The following POLR3E variants were observed in gnomAD, a reference collection of about 807,000 sequenced individuals.
POLR3E encodes the protein DNA-directed RNA polymerase III subunit RPC5.
In POLR3E, 41 loss-of-function variants were observed where a neutral mutation model predicts 96.6. The ratio of observed to expected loss-of-function variants is 0.42; its 90% CI spans 0.33 to 0.55. The LOEUF (loss-of-function observed/expected upper bound fraction) is 0.55. Ranked by LOEUF, POLR3E falls within the 20% of genes least tolerant of loss-of-function variation. The pLI, the probability that POLR3E is intolerant of heterozygous loss-of-function variation, is 0.06. For missense variants in POLR3E, 849 were observed against 952.1 expected, an observed-to-expected ratio of 0.89 and a Z score of 1.43; for synonymous variants, 396 against 383.6, an observed-to-expected ratio of 1.03 and a Z score of -0.38.
intron 13 of POLR3E, among the ~76,000 whole-genome samples, chr16:22,321,999 G>C (rs764118303): frequency 1.3e-5 from 2 of 152,216 alleles, no homozygotes; most frequent in Non-Finnish European, 2.9e-5. Flanking sequence ...GATGGCGGCT[G>C]TTACATTTGA....
At chr16:22,330,119 C>T (rs1271658559) in intron 19 of POLR3E, among the ~76,000 whole-genome samples, 1 of 151,366 alleles carries the variant, frequency 6.6e-6, no homozygotes, top group Non-Finnish European at 1.5e-5. Flanking sequence ...GTCATCTAGG[C>T]CTGGAGTGCA....
intron 13 of POLR3E, among the ~76,000 whole-genome samples, chr16:22,321,374 T>C (rs1475626834): frequency 3.3e-5 from 5 of 152,236 alleles, no homozygotes; most frequent in Non-Finnish European, 5.9e-5. Context: ...AAGCTCCTCA[T>C]AGTTGTAGAG....
intron 1 of POLR3E, among the ~76,000 whole-genome samples, chr16:22,299,559 G>A (rs983892100): frequency 6.6e-6 from 1 of 151,708 alleles, no homozygotes; most frequent in African/African-American, 2.4e-5. Context: ...GATTACAGGC[G>A]TGCATCACCA....
Position 22,324,584 on chromosome 16 carries a change from TATG to T in POLR3E, c.1214_1216del (p.Asp405del), listed in dbSNP as rs2048539211. The T allele has an allele frequency of 1.9e-6, 3 of 1,613,426 alleles. No individual in the cohort carries two copies. Among genetic ancestry groups the T allele is most frequent in the Non-Finnish European group, 2.5e-6 (3 of 1,179,808 alleles). Reference sequence around the variant, plus strand: ...CAAAGGCTGGGAGTTCATTCTGCCTTATGATGGGGAGTTCATCAAGAAGCACCC... The same window carrying T: ...CAAAGGCTGGGAGTTCATTCTGCCTTATGGGGAGTTCATCAAGAAGCACCC... On this transcript the variant is annotated inframe_deletion, in exon 16 of 21. Transcript: ENST00000299853.
In POLR3E at chr16:22,316,545, GC is replaced by G; in HGVS notation, c.643-53del. On this transcript the variant is annotated intron_variant, in intron 9 of 20. Transcript: ENST00000299853. ...AAGACGGGAGGCCTTGGGGGAGGGGGCCCAGGCCAGGGCCATCAGCTGAGGC... is the reference window on the plus strand; with the variant it reads ...AAGACGGGAGGCCTTGGGGGAGGGGGCCAGGCCAGGGCCATCAGCTGAGGC... 1.3e-5 allele frequency: 18 copies of G among 1,393,114 alleles called. No individual in the cohort carries two copies. The South Asian group carries it at 2.1e-4, about 16-fold the overall frequency. 86.3% of individuals were successfully genotyped at this position (1,393,114 alleles called of 1,614,324 possible).
At chr16:22,308,433 G>C in intron 4 of POLR3E, 1 of 572,198 alleles carries the variant, frequency 1.7e-6, no homozygotes, top group Non-Finnish European at 3.2e-6. Flanking sequence ...GCTGATGAAT[G>C]AGAGAATGGG....
rs953282792 is a variant in POLR3E, at chr16:22,303,043, G to A, written c.36+39G>A. 8.1e-6 allele frequency: 13 copies of A among 1,599,432 alleles called. No homozygotes were observed. In the Admixed American group the frequency reaches 1.3e-4, roughly 16 times the overall value. On this transcript the variant is annotated intron_variant, in intron 2 of 20. Coordinates refer to ENST00000299853, the MANE Select transcript of POLR3E (RefSeq NM_018119.4). Reference sequence around the variant, plus strand: ...TCTGTCCCCTGCCGCCGGGGCTACAGGCAGTGGAATTGGGTCCTTTCCATG... The same window carrying A: ...TCTGTCCCCTGCCGCCGGGGCTACAAGCAGTGGAATTGGGTCCTTTCCATG...
At chr16:22,309,166 G>A in intron 5 of POLR3E, 126 bp downstream of exon 5, 1 of 696,722 alleles carries the variant, frequency 1.4e-6, no homozygotes, top group Non-Finnish European at 2.5e-6. Flanking sequence ...AGCCTTTGGA[G>A]GGCTGGGCCT....
intron 18 of POLR3E, chr16:22,328,246 C>G (rs527334082): frequency 4.2e-6 from 2 of 479,860 alleles, no homozygotes; most frequent in Non-Finnish European, 7.6e-6. Flanking sequence ...AGACTCGAAG[C>G]CGGGCATTTC....
In POLR3E at chr16:22,318,693, G is replaced by A; in HGVS notation, c.866-133G>A. 1.2e-6 allele frequency: 1 copy of A among 869,244 alleles called. No homozygotes were observed. 53.8% of individuals were successfully genotyped at this position (869,244 alleles called of 1,614,324 possible). ...CCTGAGAGTGTCAGCTGTTGGCTAT[G>A]ATGGGTGTCATTACTGTTAGTTATC... On this transcript the variant is annotated intron_variant, in intron 12 of 20. Transcript: ENST00000299853. The surrounding 1 kb of genome is among the most constrained non-coding windows in gnomAD (Gnocchi z 5.0).
chr16:22,307,372 T>C (rs1290577363), intron 3 of POLR3E, among the ~76,000 whole-genome samples: 1 of 152,106 alleles, frequency 6.6e-6, no homozygotes, highest in Admixed American at 6.5e-5. Flanking sequence ...TGCGCTAGAA[T>C]GTAGCTGATC....
chr16:22,325,017 C>T (rs1226526074), intron 16 of POLR3E, among the ~76,000 whole-genome samples, 188 bp from the exon 17 acceptor site: 3 of 151,900 alleles, frequency 2.0e-5, no homozygotes, highest in Non-Finnish European at 4.4e-5. Flanking sequence ...TGGCAGAAGA[C>T]TGATGGGGTC....
chr16:22,327,996 A>C (rs2048641285), intron 18 of POLR3E: 1 of 155,386 alleles, frequency 6.4e-6, no homozygotes, highest in Non-Finnish European at 1.4e-5. Flanking sequence ...CTACCTTTGG[A>C]CCAAGTGGCC....
At chr16:22,315,229 T>A in intron 9 of POLR3E, 21 bp downstream of exon 9, 1 of 1,567,898 alleles carries the variant, frequency 6.4e-7, no homozygotes, top group Non-Finnish European at 8.7e-7. Flanking sequence ...CTTCGTGGGG[T>A]CCTGGGGGAA....
intron 1 of POLR3E, among the ~76,000 whole-genome samples, chr16:22,301,651 C>T (rs183454009): frequency 3.5e-4 from 52 of 148,358 alleles, no homozygotes; most frequent in Admixed American, 2.1e-3. Flanking sequence ...CTCAGCCGGG[C>T]GCAGTGGCTC....
chr16:22,305,517 G>A lies in POLR3E; in HGVS notation c.87+311G>A, dbSNP rs547010453. 82 of 589,972 alleles carry A rather than the reference G, an allele frequency of 1.4e-4. No homozygotes were observed. In the African/African-American group the frequency reaches 1.5e-3, roughly 11 times the overall value. The allele number at this position is 589,972 out of a possible 1,614,324, so 36.5% of individuals were successfully genotyped here. A position where few individuals can be genotyped will look rare whatever the true frequency, so the allele number is the denominator to read the frequency against. On this transcript the variant is annotated intron_variant, in intron 3 of 20. Coordinates refer to ENST00000299853, the MANE Select transcript of POLR3E (RefSeq NM_018119.4). Reference sequence around the variant, plus strand: ...TGGGCAAGTTTCTTAATCCTTCTGTGCCTCACTTTCCTCACTTGCAAAGTG... The same window carrying A: ...TGGGCAAGTTTCTTAATCCTTCTGTACCTCACTTTCCTCACTTGCAAAGTG...
At chr16:22,330,158 C>T (rs144768697) in intron 19 of POLR3E, among the ~76,000 whole-genome samples, 129 of 151,948 alleles carry the variant, frequency 8.5e-4, no homozygotes, top group African/African-American at 2.8e-3. Flanking sequence ...ACGCCTCTTG[C>T]GTTCAAGCGA....
At chr16:22,317,990 C>T (rs1479003668) in intron 12 of POLR3E, among the ~76,000 whole-genome samples, 1 of 152,106 alleles carries the variant, frequency 6.6e-6, no homozygotes, top group African/African-American at 2.4e-5. Flanking sequence ...GCCGCAGAAC[C>T]TGGGCTCGTC....
At chr16:22,314,217 G>A in intron 8 of POLR3E, 89 bp downstream of exon 8, 1 of 1,036,504 alleles carries the variant, frequency 9.6e-7, no homozygotes, top group Non-Finnish European at 1.5e-6. Context: ...CAGAATGCAG[G>A]TGGAGCAGAC....
Sources: gnomAD v4.1 joint callset for allele counts (sites outside exome capture counted in the v4.1 genomes callset) on GRCh38, gnomAD v4.1.1 for gene constraint, Gnocchi (gnomAD v3.1) non-coding constraint, MANE v1.5 for transcripts, NCBI Gene and HGNC (gene_info 2026-07-23, HGNC 2026-07-21) for gene names.